CLSTN2: variants seen among roughly 807,000 people sequenced by gnomAD.
CLSTN2 encodes calsyntenin-2.
Under a neutral mutation model 101.2 loss-of-function variants are expected in CLSTN2, and 48 were observed. That is an observed-to-expected ratio of 0.47 (90% CI 0.38 to 0.60). The LOEUF is 0.60. CLSTN2 is among the 20% of genes least tolerant of loss of function. The pLI is 0.00. For missense variants in CLSTN2, 1,160 were observed against 1,238.2 expected, an observed-to-expected ratio of 0.94 and a Z score of 0.95; for synonymous variants, 481 against 463.6, an observed-to-expected ratio of 1.04 and a Z score of -0.48.
intron 1 of CLSTN2, among the ~76,000 whole-genome samples, chr3:140,026,819 A>C (rs1283131776): frequency 1.3e-5 from 2 of 152,206 alleles, no homozygotes; most frequent in Non-Finnish European, 2.9e-5. Flanking sequence ...CCCCCTTCCC[A>C]TCTCAGAGGA....
chr3:140,164,031 A>G (rs1227915655), intron 1 of CLSTN2, among the ~76,000 whole-genome samples: 1 of 152,188 alleles, frequency 6.6e-6, no homozygotes, highest in African/African-American at 2.4e-5. Context: ...ATCTTGGAGA[A>G]TTAGAGATAT....
intron 2 of CLSTN2, among the ~76,000 whole-genome samples, chr3:140,308,431 A>T (rs1325871721): frequency 7.9e-5 from 12 of 152,236 alleles, no homozygotes; most frequent in Non-Finnish European, 1.5e-5. Flanking sequence ...CGATTGTTAT[A>T]TAACCTTTGC....
At chr3:140,078,923 A>G (rs1356950815) in intron 1 of CLSTN2, among the ~76,000 whole-genome samples, 1 of 152,204 alleles carries the variant, frequency 6.6e-6, no homozygotes, top group Non-Finnish European at 1.5e-5. Flanking sequence ...GAAAAAGGGA[A>G]TTGAGATAGG....
At chr3:140,088,566 C>A (rs1433091113) in intron 1 of CLSTN2, among the ~76,000 whole-genome samples, 4 of 152,182 alleles carry the variant, frequency 2.6e-5, no homozygotes, top group Non-Finnish European at 2.9e-5. Flanking sequence ...CACAGGGTTA[C>A]AACTGCAGAA....
chr3:139,979,230 T>C (rs1935874379), intron 1 of CLSTN2, among the ~76,000 whole-genome samples: 2 of 152,166 alleles, frequency 1.3e-5, no homozygotes, highest in Non-Finnish European at 2.9e-5. Context: ...CTGGCACCCC[T>C]GCATCTTTTG....
At chr3:140,151,326 T>A (rs1248288586) in intron 1 of CLSTN2, among the ~76,000 whole-genome samples, 1 of 151,980 alleles carries the variant, frequency 6.6e-6, no homozygotes, top group Non-Finnish European at 1.5e-5. Flanking sequence ...TTAAGACCTC[T>A]GGGAATAGTG....
At chr3:140,476,165 A>G (rs1933978512) in intron 8 of CLSTN2, among the ~76,000 whole-genome samples, 1 of 152,156 alleles carries the variant, frequency 6.6e-6, no homozygotes. Context: ...TGTCACTTCC[A>G]CGATATGAAA....
At chr3:140,445,519 A>G (rs916172534) in intron 5 of CLSTN2, among the ~76,000 whole-genome samples, 4 of 152,166 alleles carry the variant, frequency 2.6e-5, no homozygotes, top group African/African-American at 9.7e-5. Context: ...GGTGCACACC[A>G]AGCTCCCACT....
At chr3:140,077,623 G>C (rs1282173864) in intron 1 of CLSTN2, among the ~76,000 whole-genome samples, 1 of 151,944 alleles carries the variant, frequency 6.6e-6, no homozygotes, top group Non-Finnish European at 1.5e-5. Context: ...GCTGAGGCTT[G>C]CCTACAAAAC....
intron 6 of CLSTN2, among the ~76,000 whole-genome samples, chr3:140,451,037 G>A (rs1933235633): frequency 6.6e-6 from 1 of 152,162 alleles, no homozygotes; most frequent in Admixed American, 6.5e-5. Context: ...CAGCAGAGAA[G>A]CCATCTAAGA....
intron 1 of CLSTN2, among the ~76,000 whole-genome samples, chr3:140,112,678 G>T (rs2009175977): frequency 6.6e-6 from 1 of 152,112 alleles, no homozygotes; most frequent in South Asian, 2.1e-4. Flanking sequence ...GAAATGCTAG[G>T]TTGCAAGCAG....
chr3:140,053,404 G>A (rs1047525269), intron 1 of CLSTN2, among the ~76,000 whole-genome samples: 1 of 152,170 alleles, frequency 6.6e-6, no homozygotes, highest in Non-Finnish European at 1.5e-5. Context: ...GGATAAACTC[G>A]CTGGTCAGCT....
intron 2 of CLSTN2, among the ~76,000 whole-genome samples, chr3:140,179,099 CA>C (rs1415905138): frequency 6.6e-6 from 1 of 152,070 alleles, no homozygotes; most frequent in East Asian, 1.9e-4. Context: ...ATTATGATTG[CA>C]TTTTGTATAT....
intron 2 of CLSTN2, among the ~76,000 whole-genome samples, chr3:140,373,317 C>G (rs973246651): frequency 1.3e-5 from 2 of 152,208 alleles, no homozygotes; most frequent in Non-Finnish European, 2.9e-5. Context: ...TTAGGAGAAG[C>G]TGAGATCAGC....
intron 1 of CLSTN2, among the ~76,000 whole-genome samples, chr3:140,036,438 A>G (rs939617700): frequency 6.6e-6 from 1 of 152,168 alleles, no homozygotes; most frequent in Non-Finnish European, 1.5e-5. Flanking sequence ...CTGAAGAATC[A>G]GAGGGCATTG....
chr3:139,958,804 T>A (rs2107813572), intron 1 of CLSTN2, among the ~76,000 whole-genome samples: 1 of 151,136 alleles, frequency 6.6e-6, no homozygotes, highest in East Asian at 1.9e-4. Flanking sequence ...AATTCTAAGA[T>A]GGCTTTTGAA....
intron 2 of CLSTN2, among the ~76,000 whole-genome samples, chr3:140,279,536 T>C (rs2086826162): frequency 6.6e-6 from 1 of 152,232 alleles, no homozygotes; most frequent in Non-Finnish European, 1.5e-5. Context: ...CCTGATTTGC[T>C]CTGCCAAGTG....
At chr3:140,375,137 C>T (rs1366949924) in intron 2 of CLSTN2, among the ~76,000 whole-genome samples, 2 of 151,988 alleles carry the variant, frequency 1.3e-5, no homozygotes, top group African/African-American at 2.4e-5. Context: ...GGAGATGTAG[C>T]TGAGGGGAAG....
intron 2 of CLSTN2, among the ~76,000 whole-genome samples, chr3:140,221,456 T>C (rs2086272623): frequency 6.6e-6 from 1 of 152,060 alleles, no homozygotes; most frequent in Non-Finnish European, 1.5e-5. Context: ...CTGGCTACAA[T>C]GACTTTGGAT....
Sources: gnomAD v4.1 joint callset for allele counts (sites outside exome capture counted in the v4.1 genomes callset) on GRCh38, gnomAD v4.1.1 for gene constraint, MANE v1.5 for transcripts, NCBI Gene and HGNC (gene_info 2026-07-23, HGNC 2026-07-21) for gene names.